PSKH2: variants seen among roughly 807,000 people sequenced by gnomAD.
PSKH2 encodes the protein protein serine kinase H2, also known as serine/threonine-protein kinase H2.
PSKH2 carries 16 observed loss-of-function variants against 22.5 expected under a neutral mutation model. The ratio of observed to expected loss-of-function variants is 0.71; its 90% CI spans 0.48 to 1.08. The LOEUF is 1.08. PSKH2 is among the 50% of genes least tolerant of loss of function. PSKH2 has a pLI of 0.00. For missense variants in PSKH2, 516 were observed against 492.8 expected (o/e 1.05, Z -0.44); for synonymous variants, 188 against 184.8 (o/e 1.02, Z -0.14).
chr8:86,054,110 A>G (rs918235233), intron 2 of PSKH2, among the ~76,000 whole-genome samples: 1 of 152,202 alleles, frequency 6.6e-6, no homozygotes, highest in Non-Finnish European at 1.5e-5. Flanking sequence ...CTAAAATTCT[A>G]GATGCAAACC....
intron 2 of PSKH2, among the ~76,000 whole-genome samples, chr8:86,049,811 GAAGA>G (rs1563538829): frequency 6.8e-6 from 1 of 147,014 alleles, no homozygotes. Flanking sequence ...AGAGAAAGAG[GAAGA>G]AAGAAAGGAA....
At chr8:86,057,293 C>CACACACACAT (rs1817712895) in intron 2 of PSKH2, among the ~76,000 whole-genome samples, 2 of 135,004 alleles carry the variant, frequency 1.5e-5, no homozygotes, top group Non-Finnish European at 3.4e-5. Flanking sequence ...TGTACACACA[C>CACACACACAT]ACACACACAC....
intron 2 of PSKH2, among the ~76,000 whole-genome samples, chr8:86,058,088 T>C (rs1461014072): frequency 1.3e-5 from 2 of 152,110 alleles, no homozygotes; most frequent in Non-Finnish European, 2.9e-5. Flanking sequence ...GTCCTTTACT[T>C]AGCGTCTCAA....
At chr8:86,057,285 T>TACACACACACACACACACACAC (rs71574253) in intron 2 of PSKH2, among the ~76,000 whole-genome samples, 1 of 129,860 alleles carries the variant, frequency 7.7e-6, no homozygotes, top group African/African-American at 2.6e-5. Context: ...TGCATGCATG[T>TACACACACACACACACACACAC]ACACACACAC....
At chr8:86,063,823 A>G (rs1817812812) in intron 2 of PSKH2, 142 bp downstream of exon 2, 2 of 637,408 alleles carry the variant, frequency 3.1e-6, no homozygotes. Flanking sequence ...TGGTATTTAG[A>G]GTAGAGGGCA....
intron 2 of PSKH2, among the ~76,000 whole-genome samples, chr8:86,062,599 G>T (rs1052143964): frequency 3.3e-5 from 5 of 151,186 alleles, no homozygotes; most frequent in African/African-American, 1.2e-4. Context: ...GGCTCTTTCC[G>T]CCTCTCTTTT....
upstream of PSKH2, chr8:86,069,745 G>T (rs915134814): frequency 4.2e-6 from 5 of 1,184,528 alleles, no homozygotes; most frequent in African/African-American, 8.1e-5. Flanking sequence ...CCCCACTGGG[G>T]GGTCGTGGTC....
intron 1 of PSKH2, among the ~76,000 whole-genome samples, chr8:86,067,726 C>T (rs1817885624): frequency 6.6e-6 from 1 of 152,124 alleles, no homozygotes; most frequent in Non-Finnish European, 1.5e-5. Context: ...TTATAATAAA[C>T]TCCCAACAAG....
chr8:86,066,952 C>T (rs534447809), intron 1 of PSKH2, among the ~76,000 whole-genome samples: 2 of 152,278 alleles, frequency 1.3e-5, no homozygotes, highest in Admixed American at 1.3e-4. Context: ...GCTTTGCAGA[C>T]CAACCAAGTT....
At chr8:86,053,614 G>A (rs1362079323) in intron 2 of PSKH2, among the ~76,000 whole-genome samples, 1 of 152,098 alleles carries the variant, frequency 6.6e-6, no homozygotes, top group Non-Finnish European at 1.5e-5. Context: ...TTAATATCTT[G>A]TGCAAAAGAT....
chr8:86,052,716 G>A (rs1302989304), intron 2 of PSKH2, among the ~76,000 whole-genome samples: 1 of 151,972 alleles, frequency 6.6e-6, no homozygotes. Flanking sequence ...CATGACAAAT[G>A]TGCACCCTCA....
chr8:86,055,212 C>T (rs1817684260), intron 2 of PSKH2, among the ~76,000 whole-genome samples: 1 of 152,134 alleles, frequency 6.6e-6, no homozygotes, highest in South Asian at 2.1e-4. Context: ...TTCCTCTCAA[C>T]TCTGTGAATT....
intron 1 of PSKH2, 57 bp downstream of exon 1, chr8:86,069,381 C>A (rs1817910891): frequency 1.4e-6 from 2 of 1,468,470 alleles, no homozygotes; most frequent in African/African-American, 1.4e-5. Flanking sequence ...GCGGTCTTGG[C>A]CAGGGGTTTT....
chr8:86,064,089 A>G lies in PSKH2; in HGVS notation c.728T>C (p.Val243Ala), dbSNP rs755109333. Reference protein sequence around the residue: ...VLLRKPYTSAVDMWALGVITY... With the variant: ...VLLRKPYTSAADMWALGVITY... Reference sequence around the variant, plus strand: ...GATCACACCAAGAGCCCACATGTCCACTGCACTGGTATAAGGCTTCCTTAG... The same window carrying G: ...GATCACACCAAGAGCCCACATGTCCGCTGCACTGGTATAAGGCTTCCTTAG... Residue 243 changes from valine (V) to alanine (A), a missense_variant, in exon 2 of 3, where the codon GTG (valine) becomes GCG (alanine). Physicochemically the swap from Val to Ala is moderately conservative, Grantham distance 64. Transcript: ENST00000276616. The G allele has an allele frequency of 3.7e-6, 6 of 1,614,178 alleles. No individual in the cohort carries two copies. In the South Asian group the frequency reaches 6.6e-5, roughly 18 times the overall value.
intron 2 of PSKH2, among the ~76,000 whole-genome samples, chr8:86,058,255 C>T (rs774321978): frequency 4.6e-5 from 7 of 152,156 alleles, no homozygotes; most frequent in Non-Finnish European, 1.0e-4. Context: ...GCTCCTCCAG[C>T]ATTGCAGAAA....
intron 2 of PSKH2, among the ~76,000 whole-genome samples, chr8:86,062,888 G>A (rs1338316415): frequency 1.3e-5 from 2 of 152,104 alleles, no homozygotes; most frequent in Non-Finnish European, 2.9e-5. Context: ...ACCCTTCACA[G>A]CCATATGTAG....
chr8:86,060,084 A>G (rs1198864440), intron 2 of PSKH2, among the ~76,000 whole-genome samples: 2 of 152,188 alleles, frequency 1.3e-5, no homozygotes, highest in African/African-American at 4.8e-5. Context: ...ACTGGATTCC[A>G]TCTATTCTTT....
intron 1 of PSKH2, 54 bp downstream of exon 1, chr8:86,069,384 G>A: frequency 3.4e-6 from 5 of 1,475,130 alleles, no homozygotes; most frequent in Non-Finnish European, 4.5e-6. Flanking sequence ...GTCTTGGCCA[G>A]GGGTTTTTCT....
chr8:86,069,948 A>C (rs951016618), upstream of PSKH2, among the ~76,000 whole-genome samples: 4 of 152,210 alleles, frequency 2.6e-5, no homozygotes, highest in African/African-American at 9.6e-5. Context: ...CGATTGTATA[A>C]AGGATATCGT....
Sources: gnomAD v4.1 joint callset for allele counts (sites outside exome capture counted in the v4.1 genomes callset) on GRCh38, gnomAD v4.1.1 for gene constraint, MANE v1.5 for transcripts, NCBI Gene and HGNC (gene_info 2026-07-23, HGNC 2026-07-21) for gene names.